Variants in IL3RA observed in about 807,000 individuals in gnomAD.
The protein encoded by IL3RA is interleukin-3 receptor subunit alpha.
IL3RA carries 73 observed loss-of-function variants against 52.3 expected under a neutral mutation model. The ratio of observed to expected loss-of-function variants is 1.40; its 90% CI spans 1.16 to 1.70. The LOEUF (loss-of-function observed/expected upper bound fraction) is 1.70. Ranked by LOEUF, IL3RA falls within the 40% of genes most tolerant of loss-of-function variation. The pLI is 0.00. For missense variants in IL3RA, 664 were observed against 504.4 expected (o/e 1.32, Z -3.03); for synonymous variants, 260 against 194.0 (o/e 1.34, Z -2.83).
intron 9 of IL3RA, among the ~76,000 whole-genome samples, chrX:1,377,684 G>T (rs1204706803): frequency 1.4e-5 from 2 of 142,710 alleles, no homozygotes; most frequent in Non-Finnish European, 3.0e-5. Context: ...TTTTTTTTTG[G>T]AGAGAGAGTC....
Position 1,344,073 on chromosome X carries a change from C to T in IL3RA, c.65-1243C>T, listed in dbSNP as rs754282810. Reference sequence around the variant, plus strand: ...CCTCCCAAAGTGCTGGGATGACGGGCGTGAGCCACCACGCCCGTTTGCTTT... The same window carrying T: ...CCTCCCAAAGTGCTGGGATGACGGGTGTGAGCCACCACGCCCGTTTGCTTT... On this transcript the variant is annotated intron_variant, in intron 2 of 11. Coordinates refer to ENST00000331035, the MANE Select transcript of IL3RA (RefSeq NM_002183.4). Among the ~76,000 whole-genome samples the T allele has an allele frequency of 9.2e-5, 14 of 152,092 alleles. No homozygotes were observed. In the South Asian group the frequency reaches 1.2e-3, roughly 14 times the overall value.
intron 6 of IL3RA, among the ~76,000 whole-genome samples, chrX:1,355,525 A>T (rs1405495543): frequency 2.0e-5 from 3 of 148,430 alleles, no homozygotes; most frequent in African/African-American, 2.5e-5. Context: ...GGGGAGACCC[A>T]GCCAGGCAGC....
intron 3 of IL3RA, among the ~76,000 whole-genome samples, chrX:1,346,118 G>T (rs1220254902): frequency 6.6e-6 from 1 of 151,564 alleles, no homozygotes; most frequent in East Asian, 2.0e-4. Context: ...TTCGAGACCA[G>T]TCTGGCCAAC....
intron 7 of IL3RA, among the ~76,000 whole-genome samples, chrX:1,357,077 C>T (rs1197827550): frequency 1.3e-5 from 2 of 151,744 alleles, no homozygotes; most frequent in African/African-American, 4.8e-5. Context: ...CTCAGCCTCC[C>T]GAGTAGCTGG....
intron 9 of IL3RA, among the ~76,000 whole-genome samples, chrX:1,377,349 T>C (rs2088836870): frequency 1.3e-5 from 2 of 152,122 alleles, no homozygotes; most frequent in Non-Finnish European, 2.9e-5. Flanking sequence ...CAGGCCATTC[T>C]CCTGCCTCAG....
At chrX:1,356,628 T>C (rs1408889282) in intron 7 of IL3RA, among the ~76,000 whole-genome samples, 3 of 151,970 alleles carry the variant, frequency 2.0e-5, no homozygotes, top group Admixed American at 1.3e-4. Flanking sequence ...AAAAATTAGC[T>C]GGGCGTGGTG....
rs182991232 is a variant in IL3RA, at chrX:1,359,847, C to A, written c.759+960C>A. 4.1e-3 allele frequency among the ~76,000 whole-genome samples: 601 copies of A among 147,440 alleles called. 6 individuals are homozygous for A. Among genetic ancestry groups the A allele is most frequent in the African/African-American group, 0.014 (549 of 39,850 alleles). On this transcript the variant is annotated intron_variant, in intron 8 of 11. Coordinates refer to ENST00000331035, the MANE Select transcript of IL3RA (RefSeq NM_002183.4). ...CTCTCTCCTGGTCTCTGTCTCCCCC[C>A]TCCCCATCTCTTTCTCTGTGTCTGT...
chrX:1,348,567 T>C (rs756985488), intron 4 of IL3RA, 22 bp downstream of exon 4: 13 of 1,567,090 alleles, frequency 8.3e-6, no homozygotes, highest in Non-Finnish European at 1.1e-5. Context: ...GTTCATTGTT[T>C]GTTTATTCTC....
Position 1,349,819 on chromosome X carries a change from A to C in IL3RA, c.298+1274A>C, listed in dbSNP as rs746977430. ...CTGGGATTACAGGCACCCGCCACCA[A>C]GCCCGGCTAAATTTTGTATTTTAAG... On this transcript the variant is annotated intron_variant, in intron 4 of 11. Coordinates refer to ENST00000331035, the MANE Select transcript of IL3RA (RefSeq NM_002183.4). 9.6e-4 allele frequency among the ~76,000 whole-genome samples: 145 copies of C among 151,154 alleles called. 1 individual carries two copies. Among genetic ancestry groups the C allele is most frequent in the African/African-American group, 3.4e-3 (141 of 41,230 alleles).
intron 4 of IL3RA, 99 bp downstream of exon 4, chrX:1,348,644 C>CTTTTTCTT (rs1355205373): frequency 1.8e-4 from 91 of 496,876 alleles, no homozygotes; most frequent in Middle Eastern, 4.3e-4. Context: ...TTTTCTTTTT[C>CTTTTTCTT]TCTTTCTTTC....
Position 1,345,380 on chromosome X carries a change from T to G in IL3RA, c.129T>G (p.Leu43=). Residue 43 remains leucine, a synonymous_variant, in exon 3 of 12, where the codon CTT becomes CTG. Transcript: ENST00000331035. The part of the protein sequence containing the change: ...KAKAQQLTWD[L]NRNVTDIECV... ...AGGCTCAGCAGTTGACCTGGGACCTTAACAGAAATGTGACCGATATCGAGT... is the reference window on the plus strand; with the variant it reads ...AGGCTCAGCAGTTGACCTGGGACCTGAACAGAAATGTGACCGATATCGAGT... The G allele has an allele frequency of 1.2e-6, 2 of 1,611,176 alleles. No homozygotes were observed. The highest frequency in any genetic ancestry group is 1.1e-5 in the South Asian group (1 of 90,738).
chrX:1,360,622 G>A (rs1263776955), intron 8 of IL3RA, among the ~76,000 whole-genome samples: 14 of 151,880 alleles, frequency 9.2e-5, no homozygotes, highest in South Asian at 8.3e-4. Flanking sequence ...AGGTTCAAGC[G>A]AATCTACTCC....
rs1273681011 is a variant in IL3RA at position 1,381,105 on chromosome X, G to T, written c.1062+1G>T. The stretch of plus-strand genomic sequence containing the variant: ...TGACAGCTTCCAAAACGACAAGCTG[G>T]TATGTTGTTTTTTCTGCCTTGGGAC... On this transcript the variant is annotated splice_donor_variant, in intron 11 of 11. Coordinates refer to ENST00000331035, the MANE Select transcript of IL3RA (RefSeq NM_002183.4). LOFTEE classifies it high-confidence loss of function. 1.2e-6 allele frequency: 2 copies of T among 1,613,826 alleles called. No individual in the cohort carries two copies. Among genetic ancestry groups the T allele is most frequent in the Non-Finnish European group, 1.7e-6 (2 of 1,179,778 alleles).
At chrX:1,362,107 ACT>A (rs1259126273) in intron 8 of IL3RA, among the ~76,000 whole-genome samples, 1 of 132,528 alleles carries the variant, frequency 7.5e-6, no homozygotes, top group East Asian at 2.3e-4. Flanking sequence ...TCCATCACCC[ACT>A]CTGTCTCTTT....
chrX:1,367,611 G>A (rs1490049326), intron 9 of IL3RA, among the ~76,000 whole-genome samples: 7 of 96,640 alleles, frequency 7.2e-5, no homozygotes, highest in Non-Finnish European at 1.2e-4. Context: ...CGGGGTGAGC[G>A]GGGTGCGCGG....
At chrX:1,367,287 G>C (rs773657081) in intron 9 of IL3RA, among the ~76,000 whole-genome samples, 1 of 15,094 alleles carries the variant, frequency 6.6e-5, no homozygotes, top group Non-Finnish European at 9.9e-5. Flanking sequence ...CGGGGTGAGC[G>C]GGGTGCGCGG....
intron 8 of IL3RA, among the ~76,000 whole-genome samples, chrX:1,359,473 C>T (rs1278156424): frequency 6.6e-6 from 1 of 151,218 alleles, no homozygotes; most frequent in Non-Finnish European, 1.5e-5. Context: ...TTCTCCCTCC[C>T]TCTCTTTCTC....
intron 11 of IL3RA, 38 bp downstream of exon 11, chrX:1,381,142 C>T (rs1569528659): frequency 7.5e-6 from 12 of 1,597,074 alleles, no homozygotes; most frequent in East Asian, 4.5e-5. Context: ...GGTCTGGAGG[C>T]GTGGTGGCCA....
At chrX:1,349,745 C>T (rs1266451540) in intron 4 of IL3RA, among the ~76,000 whole-genome samples, 2 of 152,050 alleles carry the variant, frequency 1.3e-5, no homozygotes, top group Non-Finnish European at 2.9e-5. Context: ...TTACCGCAAA[C>T]TCCGCCTCCC....
Sources: allele counts gnomAD v4.1 joint callset (sites outside exome capture counted in the v4.1 genomes callset), GRCh38; gene constraint gnomAD v4.1.1; transcripts MANE v1.5; gene names NCBI Gene and HGNC (gene_info 2026-07-23, HGNC 2026-07-21).